The following PCDHGA1 variants were observed in gnomAD, a reference collection of about 807,000 sequenced individuals.
The protein encoded by PCDHGA1 is protocadherin gamma-A1.
A neutral mutation model predicts 58.0 loss-of-function variants in PCDHGA1; 32 were observed. The ratio of observed to expected loss-of-function variants is 0.55; its 90% confidence interval spans 0.42 to 0.74. The LOEUF is 0.74. Among genes scored for constraint, PCDHGA1 ranks in the 30% least tolerant of loss-of-function variants. The probability of loss-of-function intolerance (pLI) is 0.00; values close to 1 mark genes in which losing one functional copy is unlikely to be tolerated. For missense variants in PCDHGA1, 1,205 were observed against 1,182.3 expected (o/e 1.02, Z -0.28); for synonymous variants, 498 against 501.1 (o/e 0.99, Z 0.08).
At chr5:141,387,891 A>T (rs774395551) in intron 1 of PCDHGA1, 36 of 1,554,882 alleles carry the variant, frequency 2.3e-5, no homozygotes, top group Non-Finnish European at 2.9e-5. Context: ...AGGGATGGGG[A>T]GCGGCGCCGG....
Position 141,489,090 on chromosome 5 carries a change from C to CAAA in PCDHGA1, c.2422-5717_2422-5716insAAA. ...CCTGCCCACCCCCGCCACTCGGTGA[C>CAAA]TAAGAACTGCTGCAAGCAGGCAAAC... is the stretch of plus-strand genomic sequence containing the variant. On this transcript the variant is annotated intron_variant, in intron 1 of 3. Transcript: ENST00000517417. The surrounding 1 kb of genome is among the most constrained non-coding windows in gnomAD (Gnocchi z 4.5). 7 of 328,768 alleles carry CAAA rather than the reference C, an allele frequency of 2.1e-5. No homozygotes were observed. The highest frequency in any genetic ancestry group is 6.1e-5 in the Admixed American group (1 of 16,494). The allele number at this position is 328,768 out of a possible 1,614,324, so 20.4% of individuals were successfully genotyped here. A position where few individuals can be genotyped will look rare whatever the true frequency, so the allele number is the denominator to read the frequency against.
At position 141,432,942 on chromosome 5, in the gene PCDHGA1, C is replaced by G. The variant is rs1346694514; in HGVS notation, c.2422-61865C>G. ...CACAAGTCACGCCTGCTGCAGGCTT[C>G]AGGAGGCGGCTTGACAGGAGCGCCG... On this transcript the variant is annotated intron_variant, in intron 1 of 3. Coordinates refer to ENST00000517417, the MANE Select transcript of PCDHGA1 (RefSeq NM_018912.3). The surrounding 1 kb of genome is among the most constrained non-coding windows in gnomAD (Gnocchi z 6.0). The G allele has an allele frequency of 1.2e-6, 2 of 1,614,190 alleles. No individual in the cohort carries two copies. Among genetic ancestry groups the G allele is most frequent in the Non-Finnish European group, 1.7e-6 (2 of 1,180,036 alleles).
intron 1 of PCDHGA1, chr5:141,384,826 G>C (rs750050142): frequency 6.2e-7 from 1 of 1,613,472 alleles, no homozygotes; most frequent in Non-Finnish European, 8.5e-7. Flanking sequence ...GCAGAGCCTC[G>C]TGGTGGCCGT....
chr5:141,388,278 A>G (rs769879098), intron 1 of PCDHGA1: 3 of 1,613,502 alleles, frequency 1.9e-6, no homozygotes, highest in East Asian at 2.2e-5. Context: ...CCACACGCCA[A>G]AATTCACGCA....
chr5:141,372,713 A>T, intron 1 of PCDHGA1: 2 of 1,613,998 alleles, frequency 1.2e-6, no homozygotes, highest in South Asian at 2.2e-5. Flanking sequence ...TAAAGGCTGA[A>T]AATGCTGCAC....
Position 141,485,746 on chromosome 5 carries a change from C to T in PCDHGA1, c.2422-9061C>T, listed in dbSNP as rs1297635523. ...AGAAGCGCAGCGACGGCAGCCTGGT[C>T]CCAGAGCTGCTCCTGGAGAAGCCTT... On this transcript the variant is annotated intron_variant, in intron 1 of 3. Coordinates refer to ENST00000517417, the MANE Select transcript of PCDHGA1 (RefSeq NM_018912.3). The surrounding 1 kb of genome is among the most constrained non-coding windows in gnomAD (Gnocchi z 5.7). 6.2e-7 allele frequency: 1 copy of T among 1,614,128 alleles called. No individual in the cohort carries two copies. The highest frequency in any genetic ancestry group is 2.2e-5 in the East Asian group (1 of 44,880).
chr5:141,467,681 A>G (rs2099148744), intron 1 of PCDHGA1, among the ~76,000 whole-genome samples: 1 of 152,076 alleles, frequency 6.6e-6, no homozygotes, highest in African/African-American at 2.4e-5. Flanking sequence ...TATTTTTTTT[A>G]GACAGGGTCT....
chr5:141,366,101 G>A lies in PCDHGA1; in HGVS notation c.2421+32996G>A, dbSNP rs372607743. On this transcript the variant is annotated intron_variant, in intron 1 of 3. Coordinates refer to ENST00000517417, the MANE Select transcript of PCDHGA1 (RefSeq NM_018912.3). ...AGAACCTGGCTACCTGGTGACCAAG[G>A]TGGTAGCGGTGGACAAAGATTCAGG... 3.2e-5 allele frequency: 52 copies of A among 1,614,128 alleles called. No individual in the cohort carries two copies. Among genetic ancestry groups the A allele is most frequent in the Non-Finnish European group, 4.1e-5 (48 of 1,180,056 alleles).
At position 141,486,641 on chromosome 5, in the gene PCDHGA1, A is replaced by C; in HGVS notation, c.2422-8166A>C. On this transcript the variant is annotated intron_variant, in intron 1 of 3. Transcript: ENST00000517417. The surrounding 1 kb of genome is among the most constrained non-coding windows in gnomAD (Gnocchi z 5.0). ...CCCAGACTCTGGCTTGAATGCGCTTATCTCCTACTCACTCCTGGAGCCCAG... is the reference window on the plus strand; with the variant it reads ...CCCAGACTCTGGCTTGAATGCGCTTCTCTCCTACTCACTCCTGGAGCCCAG... 6.2e-7 allele frequency: 1 copy of C among 1,613,734 alleles called. No individual in the cohort carries two copies. The highest frequency in any genetic ancestry group is 1.6e-4 in the Middle Eastern group (1 of 6,062).
At position 141,344,118 on chromosome 5, in the gene PCDHGA1, G is replaced by T. The variant is rs780017426; in HGVS notation, c.2421+11013G>T. On this transcript the variant is annotated intron_variant, in intron 1 of 3. Transcript: ENST00000517417. ...GGGGACGCTGTGCGAAACAGGATCC[G>T]GTCAGATCCGCTACTCGGTGTCTGA... 6.8e-6 allele frequency: 11 copies of T among 1,613,874 alleles called. No homozygotes were observed. In the East Asian group the frequency reaches 1.6e-4, roughly 23 times the overall value.
intron 1 of PCDHGA1, among the ~76,000 whole-genome samples, chr5:141,357,952 G>C (rs1760771820): frequency 6.6e-6 from 1 of 152,188 alleles, no homozygotes; most frequent in Non-Finnish European, 1.5e-5. Flanking sequence ...CACTTTGGGA[G>C]TGTGAGGAGG....
intron 1 of PCDHGA1, among the ~76,000 whole-genome samples, chr5:141,460,256 C>T (rs1315761341): frequency 6.6e-6 from 1 of 151,704 alleles, no homozygotes; most frequent in Admixed American, 6.6e-5. Context: ...TTGATAAAGC[C>T]CAATTTATTT....
chr5:141,502,039 G>T (rs2099812498), intron 2 of PCDHGA1, among the ~76,000 whole-genome samples: 1 of 152,126 alleles, frequency 6.6e-6, no homozygotes, highest in South Asian at 2.1e-4. Context: ...CCGCTTGCCT[G>T]CTCTCCCTAC....
intron 1 of PCDHGA1, chr5:141,342,436 A>G (rs1561485430): frequency 6.6e-6 from 1 of 152,186 alleles, no homozygotes; most frequent in Non-Finnish European, 1.5e-5. Context: ...TGTAACTGGC[A>G]TCATTTTTTA....
intron 1 of PCDHGA1, chr5:141,404,341 AAAC>A (rs769977252): frequency 6.2e-7 from 1 of 1,613,966 alleles, no homozygotes; most frequent in Non-Finnish European, 8.5e-7. Flanking sequence ...ACCTCCCGGA[AAAC>A]AACGCCAGAG....
intron 1 of PCDHGA1, chr5:141,361,189 G>C: frequency 6.2e-7 from 1 of 1,613,964 alleles, no homozygotes; most frequent in Non-Finnish European, 8.5e-7. Flanking sequence ...TGTGACTTCA[G>C]TATCTACTCC....
chr5:141,421,426 A>G, intron 1 of PCDHGA1: 2 of 1,614,104 alleles, frequency 1.2e-6, no homozygotes, highest in South Asian at 1.1e-5. Context: ...CGGAGTCCGC[A>G]TCGTCTCCAG....
At chr5:141,351,600 T>C (rs1758767582) in intron 1 of PCDHGA1, 1 of 1,613,908 alleles carries the variant, frequency 6.2e-7, no homozygotes, top group Admixed American at 1.7e-5. Context: ...AATGCACCTG[T>C]TTTCCATCAG....
At chr5:141,393,968 C>T (rs2092886432) in intron 1 of PCDHGA1, 1 of 1,613,770 alleles carries the variant, frequency 6.2e-7, no homozygotes, top group Non-Finnish European at 8.5e-7. Context: ...TTGTCTGTTA[C>T]ACACGTGATA....
Sources: allele counts gnomAD v4.1 joint callset (sites outside exome capture counted in the v4.1 genomes callset), GRCh38; gene constraint gnomAD v4.1.1; non-coding constraint Gnocchi (gnomAD v3.1); transcripts MANE v1.5; gene names NCBI Gene and HGNC (gene_info 2026-07-23, HGNC 2026-07-21).